Variants in COMMD1 observed in about 807,000 individuals in gnomAD.
COMMD1 encodes the protein copper metabolism domain containing 1.
A neutral mutation model predicts 17.2 loss-of-function variants in COMMD1; 10 were observed. The observed-to-expected ratio is 0.58, with a 90% CI of 0.36 to 0.99. The LOEUF is 0.99. Among genes scored for constraint, COMMD1 ranks in the 50% least tolerant of loss-of-function variants. The pLI, the probability that COMMD1 is intolerant of heterozygous loss-of-function variation, is 0.01. For synonymous variants in COMMD1, 97 were observed against 91.6 expected (o/e 1.06, Z -0.34); for missense variants, 270 against 231.8 (o/e 1.17, Z -1.07).
At chr2:62,060,005 G>A (rs1212361114) in intron 2 of COMMD1, among the ~76,000 whole-genome samples, 1 of 152,010 alleles carries the variant, frequency 6.6e-6, no homozygotes, top group African/African-American at 2.4e-5. Context: ...CTTTAGGATT[G>A]CACTAGAGAT....
intron 1 of COMMD1, among the ~76,000 whole-genome samples, chr2:61,992,680 C>T (rs947002298): frequency 4.6e-5 from 7 of 152,160 alleles, no homozygotes; most frequent in African/African-American, 9.7e-5. Flanking sequence ...TCACTTAATG[C>T]GAACAGCACT....
chr2:62,016,556 C>A (rs1329548344), intron 2 of COMMD1, among the ~76,000 whole-genome samples: 2 of 149,980 alleles, frequency 1.3e-5, no homozygotes, highest in African/African-American at 4.9e-5. Flanking sequence ...TCATTTTATG[C>A]ACTTTTATTG....
chr2:62,066,617 G>A (rs1051237119), intron 2 of COMMD1, among the ~76,000 whole-genome samples: 5 of 151,952 alleles, frequency 3.3e-5, no homozygotes, highest in East Asian at 1.9e-4. Context: ...TAGCCAGGAT[G>A]GTCTCCATCT....
intron 1 of COMMD1, among the ~76,000 whole-genome samples, chr2:61,975,118 C>CTTTTCTTT: frequency 1.2e-5 from 1 of 80,166 alleles, no homozygotes; most frequent in Non-Finnish European, 2.4e-5. Context: ...TCATTTCTTT[C>CTTTTCTTT]TTTTTTTTTT....
chr2:61,987,394 A>G (rs186465581), intron 1 of COMMD1, among the ~76,000 whole-genome samples: 2 of 152,302 alleles, frequency 1.3e-5, no homozygotes, highest in African/African-American at 4.8e-5. Flanking sequence ...TATCTGCATT[A>G]AAGGGCACCC....
At chr2:61,963,190 T>TATATAC (rs1280301014) in intron 1 of COMMD1, among the ~76,000 whole-genome samples, 38 of 136,370 alleles carry the variant, frequency 2.8e-4, no homozygotes, top group African/African-American at 1.1e-3. Context: ...ATATATTATA[T>TATATAC]ACACACACAC....
At chr2:62,036,054 T>TCTCACA (rs71410916) in intron 2 of COMMD1, among the ~76,000 whole-genome samples, 3 of 143,314 alleles carry the variant, frequency 2.1e-5, no homozygotes, top group Non-Finnish European at 4.6e-5. Context: ...ACCCTGTCTC[T>TCTCACA]CACACACACA....
intron 2 of COMMD1, among the ~76,000 whole-genome samples, chr2:62,131,365 A>G (rs1673029843): frequency 6.6e-6 from 1 of 152,192 alleles, no homozygotes; most frequent in African/African-American, 2.4e-5. Flanking sequence ...ACTTAAATAC[A>G]GGAATTTTAG....
chr2:61,920,981 A>ATATATATATATATATATAT (rs749403795), intron 1 of COMMD1, among the ~76,000 whole-genome samples: 2 of 141,390 alleles, frequency 1.4e-5, no homozygotes, highest in African/African-American at 5.4e-5. Context: ...ATATATATAT[A>ATATATATATATATATATAT]TTTTTTTTTT....
At chr2:62,119,303 A>T (rs750491889) in intron 2 of COMMD1, among the ~76,000 whole-genome samples, 1 of 152,204 alleles carries the variant, frequency 6.6e-6, no homozygotes, top group Non-Finnish European at 1.5e-5. Context: ...TTTCTGTTGC[A>T]TGAGCCACCC....
intron 1 of COMMD1, among the ~76,000 whole-genome samples, chr2:61,933,364 T>A (rs1251337429): frequency 1.3e-5 from 2 of 151,760 alleles, no homozygotes; most frequent in Non-Finnish European, 2.9e-5. Flanking sequence ...AGCTGAAGTG[T>A]TTTTTTCAGG....
In COMMD1 at chr2:61,905,713, T is replaced by G; in HGVS notation, c.35T>G (p.Leu12Arg). Reference protein sequence around the residue: ...AAGELEGGKPLSGLLNALAQD... With the variant: ...AAGELEGGKPRSGLLNALAQD... ...GGCGAGCTTGAGGGTGGCAAACCCCTGAGCGGGCTGCTGAATGCGCTGGCC... is the reference window on the plus strand; with the variant it reads ...GGCGAGCTTGAGGGTGGCAAACCCCGGAGCGGGCTGCTGAATGCGCTGGCC... The change falls in exon 1 of 3, where the codon CTG becomes CGG. Residue 12 changes from leucine to arginine, a missense_variant. Physicochemically the swap from Leu to Arg is moderately radical, Grantham distance 102 (BLOSUM62 -2). Transcript: ENST00000311832. The G allele has an allele frequency of 6.2e-7, 1 of 1,602,862 alleles. No individual in the cohort carries two copies. Among genetic ancestry groups the G allele is most frequent in the African/African-American group, 1.3e-5 (1 of 74,936 alleles).
Position 62,000,936 on chromosome 2 carries a change from A to G in COMMD1, c.416A>G (p.His139Arg). 1 of 1,614,116 alleles carries G rather than the reference A, an allele frequency of 6.2e-7. No individual in the cohort carries two copies. Among genetic ancestry groups the G allele is most frequent in the Non-Finnish European group, 8.5e-7 (1 of 1,180,034 alleles). The change falls in exon 2 of 3, where the codon CAC (histidine) becomes CGC (arginine). Residue 139 changes from histidine to arginine, a missense_variant. Transcript: ENST00000311832. Reference sequence around the variant, plus strand: ...CAGTCAAGGCACTCAGCTCAAATACACACACCTGTTGCCATTATAGAGCTG... The same window carrying G: ...CAGTCAAGGCACTCAGCTCAAATACGCACACCTGTTGCCATTATAGAGCTG... ...KSQSRHSAQI[H>R]TPVAIIELEL...
At chr2:61,960,234 C>G (rs924356413) in intron 1 of COMMD1, among the ~76,000 whole-genome samples, 1 of 152,154 alleles carries the variant, frequency 6.6e-6, no homozygotes, top group Non-Finnish European at 1.5e-5. Context: ...AATCCCTTCT[C>G]TTTTTACTTT....
intron 2 of COMMD1, among the ~76,000 whole-genome samples, chr2:62,024,990 G>T (rs1447216777): frequency 6.6e-6 from 1 of 152,186 alleles, no homozygotes; most frequent in Admixed American, 6.5e-5. Context: ...ACTTTAGGAG[G>T]CTGAGGCGGG....
At chr2:62,036,437 C>T in intron 2 of COMMD1, among the ~76,000 whole-genome samples, 1 of 152,176 alleles carries the variant, frequency 6.6e-6, no homozygotes, top group East Asian at 1.9e-4. Context: ...AACAAACTTA[C>T]ATTCCAGTTT....
rs114858066 is a variant in COMMD1, at chr2:62,051,368, C to T, written c.462+50386C>T. Among the ~76,000 whole-genome samples, 748 of 152,152 alleles carry T rather than the reference C, an allele frequency of 4.9e-3. 13 individuals carry two copies. Among genetic ancestry groups the T allele is most frequent in the Middle Eastern group, 0.017 (5 of 294 alleles). Reference sequence around the variant, plus strand: ...TCAACTCATAATTTGTAGAAAGCATCGTGTTTAAAGAAAAATTGTAGAGTC... The same window carrying T: ...TCAACTCATAATTTGTAGAAAGCATTGTGTTTAAAGAAAAATTGTAGAGTC... On this transcript the variant is annotated intron_variant, in intron 2 of 2. Transcript: ENST00000311832.
chr2:61,994,382 A>G (rs1025741524), intron 1 of COMMD1, among the ~76,000 whole-genome samples: 1 of 152,222 alleles, frequency 6.6e-6, no homozygotes, highest in Non-Finnish European at 1.5e-5. Context: ...GTAATGTGAA[A>G]TATCTTTAAT....
At chr2:62,090,249 C>A (rs1382678979) in intron 2 of COMMD1, among the ~76,000 whole-genome samples, 1 of 149,804 alleles carries the variant, frequency 6.7e-6, no homozygotes. Flanking sequence ...ATTAGGCATC[C>A]AAGGTTATAG....
Sources: gnomAD v4.1 joint callset for allele counts (sites outside exome capture counted in the v4.1 genomes callset) on GRCh38, gnomAD v4.1.1 for gene constraint, MANE v1.5 for transcripts, NCBI Gene and HGNC (gene_info 2026-07-23, HGNC 2026-07-21) for gene names.